The following KHDRBS2 variants were observed in gnomAD, a reference collection of about 807,000 sequenced individuals.
KHDRBS2 encodes KH RNA binding domain containing, signal transduction associated 2.
A neutral mutation model predicts 44.3 loss-of-function variants in KHDRBS2; 26 were observed. The observed-to-expected ratio is 0.59, with a 90% CI of 0.43 to 0.81. The LOEUF is 0.81. KHDRBS2 is among the 40% of genes least tolerant of loss of function. KHDRBS2 has a pLI of 0.00. For synonymous variants in KHDRBS2, 194 were observed against 151.1 expected (o/e 1.28, Z -2.08); for missense variants, 476 against 433.1 (o/e 1.10, Z -0.88).
At chr6:61,909,312 G>T (rs1346926947) in intron 4 of KHDRBS2, among the ~76,000 whole-genome samples, 2 of 151,978 alleles carry the variant, frequency 1.3e-5, no homozygotes, top group Admixed American at 6.6e-5. Context: ...CAAGTGATCC[G>T]CCCGTCTCAG....
At chr6:61,836,677 T>C (rs7771938) in intron 6 of KHDRBS2, among the ~76,000 whole-genome samples, 1,596 of 152,104 alleles carry the variant, frequency 0.01, 30 homozygotes, top group African/African-American at 0.037. Context: ...TCTTCAATTA[T>C]TTAGTAAGGA....
chr6:62,115,562 G>A (rs1443054023), intron 2 of KHDRBS2, among the ~76,000 whole-genome samples: 1 of 152,112 alleles, frequency 6.6e-6, no homozygotes, highest in Non-Finnish European at 1.5e-5. Context: ...TATAACAATG[G>A]CAAAGTAAAT....
chr6:61,918,412 C>A (rs1583503393), intron 4 of KHDRBS2, among the ~76,000 whole-genome samples: 1 of 151,804 alleles, frequency 6.6e-6, no homozygotes, highest in Admixed American at 6.6e-5. Flanking sequence ...GGAGGTGGGG[C>A]CTTTGAGAGG....
the KHDRBS2 span, among the ~76,000 whole-genome samples, chr6:61,672,520 T>C: frequency 8.6e-5 from 13 of 150,820 alleles, no homozygotes; most frequent in African/African-American, 3.0e-4. Context: ...GTTTCCTGAC[T>C]TTTCAATGAT....
chr6:62,045,949 C>CA (rs11397447), intron 3 of KHDRBS2, among the ~76,000 whole-genome samples: 94,977 of 133,304 alleles, frequency 0.71, 33,240 homozygotes, highest in East Asian at 0.83. Context: ...GCAAGTGGAA[C>CA]AAAAAAAAAA....
chr6:61,811,924 T>A (rs1788189169), intron 6 of KHDRBS2, among the ~76,000 whole-genome samples: 1 of 152,104 alleles, frequency 6.6e-6, no homozygotes. Flanking sequence ...TCAAAAGTTG[T>A]CTAGTTTCTA....
chr6:61,659,488 CTGT>C, the KHDRBS2 span, among the ~76,000 whole-genome samples: 18 of 151,918 alleles, frequency 1.2e-4, no homozygotes, highest in Non-Finnish European at 2.5e-4. Flanking sequence ...CCTTGCACTG[CTGT>C]TTTTAGGGTC....
intron 6 of KHDRBS2, among the ~76,000 whole-genome samples, chr6:61,848,161 C>T (rs1794682864): frequency 6.6e-6 from 1 of 151,710 alleles, no homozygotes; most frequent in African/African-American, 2.4e-5. Flanking sequence ...GGGTACAAGT[C>T]AAGGCAAGAT....
At chr6:61,916,510 T>C (rs1187470924) in intron 4 of KHDRBS2, among the ~76,000 whole-genome samples, 1 of 151,984 alleles carries the variant, frequency 6.6e-6, no homozygotes, top group Non-Finnish European at 1.5e-5. Flanking sequence ...TTGCTATCAA[T>C]GCAAACACTA....
At chr6:61,689,329 T>G (rs1734749049) in intron 8 of KHDRBS2, among the ~76,000 whole-genome samples, 1 of 151,986 alleles carries the variant, frequency 6.6e-6, no homozygotes, top group African/African-American at 2.4e-5. Flanking sequence ...TCCTTTGAGT[T>G]GTTCTGAAAA....
intron 6 of KHDRBS2, among the ~76,000 whole-genome samples, chr6:61,887,763 C>G (rs1341432221): frequency 6.6e-6 from 1 of 152,110 alleles, no homozygotes; most frequent in Non-Finnish European, 1.5e-5. Context: ...TTTTCACCAT[C>G]AACTCAACAT....
intron 6 of KHDRBS2, among the ~76,000 whole-genome samples, chr6:61,741,126 C>A (rs1776073066): frequency 6.6e-6 from 1 of 151,728 alleles, no homozygotes. Context: ...TTATTAAATC[C>A]CCATGCCAAT....
intron 2 of KHDRBS2, among the ~76,000 whole-genome samples, chr6:62,123,268 T>C (rs1210499957): frequency 6.6e-6 from 1 of 152,222 alleles, no homozygotes; most frequent in African/African-American, 2.4e-5. Context: ...ATGGTGTATA[T>C]GTGCCACATT....
chr6:62,094,197 T>C (rs1800090255), intron 2 of KHDRBS2, among the ~76,000 whole-genome samples: 1 of 151,868 alleles, frequency 6.6e-6, no homozygotes, highest in Admixed American at 6.6e-5. Flanking sequence ...CTCCCCAACA[T>C]TTGTTACATT....
At chr6:61,783,707 A>G (rs1783376261) in intron 6 of KHDRBS2, among the ~76,000 whole-genome samples, 1 of 152,016 alleles carries the variant, frequency 6.6e-6, no homozygotes, top group Non-Finnish European at 1.5e-5. Flanking sequence ...CTTAAGAAAA[A>G]GGTGAAATGT....
At chr6:61,859,472 T>TA (rs201569784) in intron 6 of KHDRBS2, among the ~76,000 whole-genome samples, 22 of 147,802 alleles carry the variant, frequency 1.5e-4, no homozygotes, top group South Asian at 6.4e-4. Context: ...CAAGTCAAAT[T>TA]AAAAAAAAAA....
chr6:62,163,790 C>G (rs1454987405), intron 2 of KHDRBS2, among the ~76,000 whole-genome samples: 3 of 151,954 alleles, frequency 2.0e-5, no homozygotes, highest in Admixed American at 6.6e-5. Flanking sequence ...AAGCCTTACT[C>G]TCTCCTTTAG....
At chr6:61,554,214 G>A in the KHDRBS2 span, among the ~76,000 whole-genome samples, 5 of 152,134 alleles carry the variant, frequency 3.3e-5, no homozygotes, top group African/African-American at 9.7e-5. Flanking sequence ...AGGATAGTTA[G>A]GTCTTCTTGT....
intron 6 of KHDRBS2, among the ~76,000 whole-genome samples, chr6:61,871,727 A>C (rs918368027): frequency 1.3e-5 from 2 of 152,232 alleles, no homozygotes; most frequent in Non-Finnish European, 2.9e-5. Flanking sequence ...AAGAATTTTC[A>C]ACTCAGAATT....
Sources: gnomAD v4.1 joint callset for allele counts (sites outside exome capture counted in the v4.1 genomes callset) on GRCh38, gnomAD v4.1.1 for gene constraint, MANE v1.5 for transcripts, NCBI Gene and HGNC (gene_info 2026-07-23, HGNC 2026-07-21) for gene names.